PLCL1: variants seen among roughly 807,000 people sequenced by gnomAD.
PLCL1 encodes the protein inactive phospholipase C-like protein 1.
A neutral mutation model predicts 84.4 loss-of-function variants in PLCL1; 41 were observed. The observed-to-expected ratio is 0.49, with a 90% CI of 0.38 to 0.63. The LOEUF is 0.63. PLCL1 is among the 30% of genes least tolerant of loss of function. The pLI is 0.00. For missense variants in PLCL1, 1,206 were observed against 1,367.8 expected (o/e 0.88, Z 1.87); for synonymous variants, 490 against 488.3 (o/e 1.00, Z -0.05).
intron 1 of PLCL1, among the ~76,000 whole-genome samples, chr2:198,052,606 C>T (rs1349208317): frequency 1.3e-5 from 2 of 151,722 alleles, no homozygotes; most frequent in Non-Finnish European, 2.9e-5. Context: ...TACAGGTTTC[C>T]CATAGTCCTT....
At chr2:198,079,957 G>T (rs568627220) in intron 1 of PLCL1, among the ~76,000 whole-genome samples, 12 of 152,348 alleles carry the variant, frequency 7.9e-5, no homozygotes, top group African/African-American at 2.6e-4. Flanking sequence ...GCTGCTCAAA[G>T]AGAGACTTTG....
intron 2 of PLCL1, among the ~76,000 whole-genome samples, chr2:198,088,425 G>T (rs1183990735): frequency 6.6e-6 from 1 of 152,204 alleles, no homozygotes; most frequent in African/African-American, 2.4e-5. Flanking sequence ...GTGTGTGTCT[G>T]TCAGGTGCCT....
chr2:197,880,006 C>T (rs1687801992), intron 1 of PLCL1, among the ~76,000 whole-genome samples: 1 of 152,160 alleles, frequency 6.6e-6, no homozygotes. Flanking sequence ...TTTGTTTTCA[C>T]ATACTGCTAG....
At position 197,899,639 on chromosome 2, in the gene PLCL1, C is replaced by CT. The variant is rs1232397878; in HGVS notation, c.240+94314dup. ...GCCTTGGCACATGAGTTCTTTCTTT[C>CT]TTTTTTTTTTTTTTGAGACGGAGTC... On this transcript the variant is annotated intron_variant, in intron 1 of 5. Coordinates refer to ENST00000428675, the MANE Select transcript of PLCL1 (RefSeq NM_006226.4). Among the ~76,000 whole-genome samples, 888 of 141,282 alleles carry CT rather than the reference C, an allele frequency of 6.3e-3. 16 individuals are homozygous for CT. The highest frequency in any genetic ancestry group is 7.7e-3 in the African/African-American group (295 of 38,294). 92.7% of individuals were successfully genotyped at this position (141,282 alleles called of 152,430 possible). A position where few individuals can be genotyped will look rare whatever the true frequency, so the allele number is the denominator to read the frequency against.
chr2:198,105,081 A>T (rs1005895806), intron 5 of PLCL1, among the ~76,000 whole-genome samples: 2 of 151,960 alleles, frequency 1.3e-5, no homozygotes, highest in Non-Finnish European at 2.9e-5. Context: ...TTTGTCATGA[A>T]ATCTTTATTA....
At chr2:198,002,781 C>T (rs919639689) in intron 1 of PLCL1, among the ~76,000 whole-genome samples, 4 of 152,104 alleles carry the variant, frequency 2.6e-5, no homozygotes, top group African/African-American at 7.2e-5. Flanking sequence ...AGGGTCTGTC[C>T]ATCCTTGTGG....
At chr2:197,979,804 C>T (rs1305825115) in intron 1 of PLCL1, among the ~76,000 whole-genome samples, 1 of 152,110 alleles carries the variant, frequency 6.6e-6, no homozygotes, top group African/African-American at 2.4e-5. Flanking sequence ...CTGACCCATT[C>T]CCATTCATTA....
intron 1 of PLCL1, among the ~76,000 whole-genome samples, chr2:197,901,562 T>C (rs910942616): frequency 6.6e-6 from 1 of 152,090 alleles, no homozygotes; most frequent in African/African-American, 2.4e-5. Context: ...ACAGCAATGT[T>C]CCAGAAGAGA....
chr2:198,110,682 A>G (rs1195168918), intron 5 of PLCL1, among the ~76,000 whole-genome samples: 1 of 151,856 alleles, frequency 6.6e-6, no homozygotes, highest in African/African-American at 2.4e-5. Flanking sequence ...AAATCATTCT[A>G]TGAGATACTG....
intron 1 of PLCL1, among the ~76,000 whole-genome samples, chr2:197,979,354 C>T (rs913969456): frequency 1.3e-5 from 2 of 152,176 alleles, no homozygotes; most frequent in Non-Finnish European, 2.9e-5. Context: ...ACTAATATCA[C>T]TAAGTTAACT....
chr2:197,937,550 G>A (rs1179988738), intron 1 of PLCL1, among the ~76,000 whole-genome samples: 1 of 152,064 alleles, frequency 6.6e-6, no homozygotes, highest in African/African-American at 2.4e-5. Flanking sequence ...AAATGGGCTG[G>A]ATAAATTTTG....
intron 1 of PLCL1, among the ~76,000 whole-genome samples, chr2:198,072,909 A>C (rs1559093660): frequency 6.6e-6 from 1 of 152,130 alleles, no homozygotes; most frequent in Non-Finnish European, 1.5e-5. Context: ...CTTCTCTGGA[A>C]TTTTATCAGA....
At chr2:197,950,593 T>G (rs780886789) in intron 1 of PLCL1, among the ~76,000 whole-genome samples, 2 of 152,122 alleles carry the variant, frequency 1.3e-5, no homozygotes, top group Non-Finnish European at 2.9e-5. Flanking sequence ...TTGTAACTCC[T>G]AGAACCAGTG....
Position 198,148,207 on chromosome 2 carries a change from T to G in PLCL1, c.*1245T>G, listed in dbSNP as rs1225004643. On this transcript the variant is annotated 3_prime_UTR_variant, in exon 6 of 6. Transcript: ENST00000428675. ...TATGGTTATGAAAGAATATATTTATTTAAAGCATTGCTTTTATTTTGAAAA... is the reference window on the plus strand; with the variant it reads ...TATGGTTATGAAAGAATATATTTATGTAAAGCATTGCTTTTATTTTGAAAA... The G allele has an allele frequency of 3.9e-5, 6 of 152,470 alleles. No individual in the cohort carries two copies. In the East Asian group the frequency reaches 1.1e-3, roughly 29 times the overall value. 9.4% of individuals were successfully genotyped at this position (152,470 alleles called of 1,614,324 possible).
chr2:198,032,232 C>T (rs1691445939), intron 1 of PLCL1, among the ~76,000 whole-genome samples: 1 of 152,250 alleles, frequency 6.6e-6, no homozygotes, highest in Non-Finnish European at 1.5e-5. Context: ...CAAAAGAAGT[C>T]AGCCTTTAAA....
intron 1 of PLCL1, among the ~76,000 whole-genome samples, chr2:197,891,335 G>C (rs1295727312): frequency 6.6e-6 from 1 of 152,164 alleles, no homozygotes; most frequent in Non-Finnish European, 1.5e-5. Context: ...AGCATAAGCA[G>C]TTGTTTCCCA....
At chr2:198,014,144 C>T (rs939360897) in intron 1 of PLCL1, among the ~76,000 whole-genome samples, 7 of 152,110 alleles carry the variant, frequency 4.6e-5, no homozygotes, top group Non-Finnish European at 7.4e-5. Flanking sequence ...TAGAAAGCAG[C>T]ACAGTCTAAT....
intron 5 of PLCL1, among the ~76,000 whole-genome samples, chr2:198,133,196 A>T (rs1376381120): frequency 1.3e-5 from 2 of 152,076 alleles, no homozygotes; most frequent in Non-Finnish European, 2.9e-5. Flanking sequence ...CTATGCAGCC[A>T]TAAAAAATGA....
intron 1 of PLCL1, among the ~76,000 whole-genome samples, chr2:197,885,754 A>G (rs1468033681): frequency 1.3e-5 from 2 of 152,204 alleles, no homozygotes; most frequent in African/African-American, 4.8e-5. Context: ...TATTTGATTC[A>G]GGGCTTGACA....
Sources: allele counts gnomAD v4.1 joint callset (sites outside exome capture counted in the v4.1 genomes callset), GRCh38; gene constraint gnomAD v4.1.1; transcripts MANE v1.5; gene names NCBI Gene and HGNC (gene_info 2026-07-23, HGNC 2026-07-21).